The following SEMA6D variants were observed in gnomAD, a reference collection of about 807,000 sequenced individuals.
SEMA6D encodes semaphorin-6D.
In SEMA6D, 35 loss-of-function variants were observed where a neutral mutation model predicts 106.6. That is an observed-to-expected ratio of 0.33 (90% CI 0.25 to 0.44). The LOEUF is 0.44. Among genes scored for constraint, SEMA6D ranks in the 20% least tolerant of loss-of-function variants. The probability of loss-of-function intolerance (pLI) is 1.00; values close to 1 mark genes in which losing one functional copy is unlikely to be tolerated. For missense variants in SEMA6D, 1,185 were observed against 1,345.9 expected (o/e 0.88, Z 1.87); for synonymous variants, 499 against 487.7 (o/e 1.02, Z -0.31).
chr15:47,421,889 T>G (rs2041170202), intron 2 of SEMA6D, among the ~76,000 whole-genome samples: 1 of 152,046 alleles, frequency 6.6e-6, no homozygotes, highest in Non-Finnish European at 1.5e-5. Context: ...TTGACTGTCT[T>G]TTCTAGAATC....
chr15:47,241,503 A>T (rs527689537), intron 1 of SEMA6D: 1 of 152,144 alleles, frequency 6.6e-6, no homozygotes, highest in South Asian at 2.1e-4. Flanking sequence ...TTTGTTCTCT[A>T]TATCTCCTCC....
chr15:47,448,829 C>T (rs1367299045), intron 2 of SEMA6D, among the ~76,000 whole-genome samples: 1 of 152,052 alleles, frequency 6.6e-6, no homozygotes, highest in East Asian at 1.9e-4. Flanking sequence ...CTGGAACAGC[C>T]CCTGCCTGTG....
At chr15:47,390,129 G>A (rs1173787796) in intron 1 of SEMA6D, among the ~76,000 whole-genome samples, 1 of 152,138 alleles carries the variant, frequency 6.6e-6, no homozygotes, top group Non-Finnish European at 1.5e-5. Context: ...CTGGAAATCA[G>A]TTGGAAGGGG....
rs550667286 is a variant in SEMA6D at position 47,240,155 on chromosome 15, T to C, written c.-239+55737T>C. On this transcript the variant is annotated intron_variant, in intron 1 of 19. Transcript: ENST00000558014. ...TCCCCAGTTGTCCGTGTACCAGCTT[T>C]CTACCATGAATTGTTTCTCTCAGAA... Among the ~76,000 whole-genome samples, 5 of 152,266 alleles carry C rather than the reference T, an allele frequency of 3.3e-5. No homozygotes were observed. The South Asian group carries it at 1.0e-3, about 32-fold the overall frequency.
intron 1 of SEMA6D, among the ~76,000 whole-genome samples, chr15:47,316,649 AT>A (rs34691730): frequency 9.6e-5 from 14 of 145,532 alleles, no homozygotes; most frequent in African/African-American, 2.0e-4. Context: ...GATGTTGCCA[AT>A]TTTTTTTTCT....
intron 3 of SEMA6D, among the ~76,000 whole-genome samples, chr15:47,509,862 C>G (rs562923326): frequency 6.6e-6 from 1 of 152,326 alleles, no homozygotes; most frequent in Non-Finnish European, 1.5e-5. Context: ...AGGTGGAGCT[C>G]TGCCATATGT....
intron 3 of SEMA6D, chr15:47,525,234 CAAG>C (rs975186113): frequency 4.6e-5 from 7 of 152,180 alleles, no homozygotes; most frequent in African/African-American, 1.7e-4. Flanking sequence ...TCAAGGGTAG[CAAG>C]AATAAGAGAT....
At chr15:47,536,907 C>A (rs1227655029) in intron 3 of SEMA6D, among the ~76,000 whole-genome samples, 1 of 152,198 alleles carries the variant, frequency 6.6e-6, no homozygotes, top group African/African-American at 2.4e-5. Context: ...AAAAATACTT[C>A]ATGCTCTTTG....
chr15:47,664,607 T>C (rs569168818), intron 4 of SEMA6D, among the ~76,000 whole-genome samples: 1 of 152,334 alleles, frequency 6.6e-6, no homozygotes, highest in East Asian at 1.9e-4. Context: ...AGCATCCCCA[T>C]GAGGGGAACC....
intron 1 of SEMA6D, among the ~76,000 whole-genome samples, chr15:47,233,322 A>G (rs925302037): frequency 3.3e-5 from 5 of 151,986 alleles, no homozygotes; most frequent in African/African-American, 1.2e-4. Flanking sequence ...ATATCACAGT[A>G]TTTTGATCAC....
chr15:47,401,258 A>G (rs768773934), intron 1 of SEMA6D, among the ~76,000 whole-genome samples: 2 of 152,124 alleles, frequency 1.3e-5, no homozygotes, highest in African/African-American at 2.4e-5. Flanking sequence ...ACCTTTTTAT[A>G]ATCCCACATT....
intron 1 of SEMA6D, among the ~76,000 whole-genome samples, chr15:47,206,876 A>C (rs2141153209): frequency 6.6e-6 from 1 of 152,178 alleles, no homozygotes; most frequent in African/African-American, 2.4e-5. Context: ...GCTTCCAAAA[A>C]CCAACAAAAG....
chr15:47,667,710 G>A (rs915501256), intron 4 of SEMA6D, among the ~76,000 whole-genome samples: 1 of 152,172 alleles, frequency 6.6e-6, no homozygotes. Flanking sequence ...AGGGCTTAGG[G>A]AGCTCACCAG....
intron 4 of SEMA6D, among the ~76,000 whole-genome samples, chr15:47,677,018 C>T (rs1384632876): frequency 6.6e-6 from 1 of 152,068 alleles, no homozygotes; most frequent in East Asian, 1.9e-4. Flanking sequence ...ACCTAGATCC[C>T]TTGGAGGCAC....
At chr15:47,734,913 G>C (rs1428415717) in intron 1 of SEMA6D, among the ~76,000 whole-genome samples, 1 of 152,070 alleles carries the variant, frequency 6.6e-6, no homozygotes, top group Admixed American at 6.6e-5. Context: ...GCAGTTTGGT[G>C]GTTTTTAAAA....
intron 2 of SEMA6D, among the ~76,000 whole-genome samples, chr15:47,438,848 C>T (rs1404264380): frequency 6.6e-6 from 1 of 151,866 alleles, no homozygotes; most frequent in African/African-American, 2.4e-5. Context: ...ATTTGGCTCA[C>T]GATTGTATCC....
upstream of SEMA6D, among the ~76,000 whole-genome samples, chr15:47,713,401 A>G (rs542693116): frequency 7.6e-4 from 116 of 152,364 alleles, 1 homozygote; most frequent in African/African-American, 2.7e-3. Context: ...ATTTTTCATT[A>G]AAGTGAAATA....
At chr15:47,509,122 C>T (rs577044755) in intron 3 of SEMA6D, among the ~76,000 whole-genome samples, 37 of 152,212 alleles carry the variant, frequency 2.4e-4, no homozygotes, top group African/African-American at 8.2e-4. Flanking sequence ...GGTAATGCTT[C>T]CACACCCATA....
chr15:47,379,998 C>T (rs1320770877), intron 1 of SEMA6D, among the ~76,000 whole-genome samples: 3 of 152,090 alleles, frequency 2.0e-5, no homozygotes, highest in Non-Finnish European at 4.4e-5. Context: ...CTCAGGTAAT[C>T]GCCTGCCTCG....
Sources: allele counts gnomAD v4.1 joint callset (sites outside exome capture counted in the v4.1 genomes callset), GRCh38; gene constraint gnomAD v4.1.1; transcripts MANE v1.5; gene names NCBI Gene and HGNC (gene_info 2026-07-23, HGNC 2026-07-21).